NHS: variants seen among roughly 807,000 people sequenced by gnomAD.
NHS encodes NHS actin remodeling regulator.
NHS carries 5 observed loss-of-function variants against 72.5 expected under a neutral mutation model. The observed-to-expected ratio is 0.07, with a 90% CI of 0.04 to 0.14. The LOEUF is 0.14. Ranked by LOEUF, NHS falls within the 10% of genes least tolerant of loss-of-function variation. The pLI is 1.00. For synonymous variants in NHS, 464 were observed against 547.7 expected (o/e 0.85, Z 2.13); for missense variants, 1,072 against 1,355.7 (o/e 0.79, Z 3.29).
At chrX:17,570,269 C>T (rs1457705508) in intron 1 of NHS, among the ~76,000 whole-genome samples, 6 of 111,972 alleles carry the variant, frequency 5.4e-5, no homozygotes, top group Non-Finnish European at 1.1e-4. Flanking sequence ...GCAGTAAGGC[C>T]GTTTTCACAA....
chrX:17,693,778 G>A (rs1189465339), intron 3 of NHS, among the ~76,000 whole-genome samples: 1 of 112,969 alleles, frequency 8.9e-6, no homozygotes, highest in East Asian at 2.8e-4. Flanking sequence ...CCAAGGATAA[G>A]AAAAGGAGAC....
intron 1 of NHS, among the ~76,000 whole-genome samples, chrX:17,642,018 TC>T (rs1234586829): frequency 9.0e-6 from 1 of 111,596 alleles, no homozygotes; most frequent in Non-Finnish European, 1.9e-5. Context: ...CAATATCGGC[TC>T]ACTGCAACCT....
intron 1 of NHS, chrX:17,635,213 C>A: frequency 1.2e-6 from 1 of 821,533 alleles, no homozygotes; most frequent in African/African-American, 2.2e-5. Context: ...CCACTGCAAC[C>A]TAAACTGCTC....
intron 1 of NHS, among the ~76,000 whole-genome samples, chrX:17,660,146 A>AAT (rs2065976143): frequency 8.9e-6 from 1 of 112,353 alleles, no homozygotes; most frequent in Admixed American, 9.4e-5. Context: ...CTACTCAGCT[A>AAT]GTGAAGAAGC....
chrX:17,538,684 C>T (rs1054322526), intron 1 of NHS, among the ~76,000 whole-genome samples: 5 of 111,876 alleles, frequency 4.5e-5, no homozygotes, highest in Non-Finnish European at 9.4e-5. Flanking sequence ...GGGGCTTCAC[C>T]GGATAGATTT....
At chrX:17,585,976 C>T (rs1014101626) in intron 1 of NHS, 4 of 110,069 alleles carry the variant, frequency 3.6e-5, no homozygotes, top group African/African-American at 9.9e-5. Context: ...TGGCAAAAGG[C>T]GGGACCAGAC....
chrX:17,697,138 C>T (rs1245573350), intron 3 of NHS, among the ~76,000 whole-genome samples: 3 of 110,711 alleles, frequency 2.7e-5, no homozygotes, highest in South Asian at 3.9e-4. Flanking sequence ...CTGGGGGAGA[C>T]AAAAGACAAA....
chrX:17,721,716 A>G (rs1391605702), intron 5 of NHS, 83 bp downstream of exon 5: 2 of 874,536 alleles, frequency 2.3e-6, no homozygotes, highest in Non-Finnish European at 3.2e-6. Context: ...GCTGCTAAGA[A>G]TACCATTTTG....
At position 17,724,677 on chromosome X, in the gene NHS, T is replaced by G. The variant is rs187307123; in HGVS notation, c.1240+247T>G. The stretch of plus-strand genomic sequence containing the variant: ...GGCTGAAATGTAATACTTAGCTGAT[T>G]TTTGAAAGTTTTATTAAGGTAGAAA... On this transcript the variant is annotated intron_variant, in intron 6 of 8. Transcript: ENST00000676302. Among the ~76,000 whole-genome samples the G allele has an allele frequency of 1.3e-3, 143 of 112,237 alleles. 1 individual carries two copies. Among genetic ancestry groups the G allele is most frequent in the African/African-American group, 4.3e-3 (133 of 30,939 alleles).
At chrX:17,402,577 T>C (rs1457731266) in intron 1 of NHS, among the ~76,000 whole-genome samples, 1 of 112,239 alleles carries the variant, frequency 8.9e-6, no homozygotes, top group Admixed American at 9.4e-5. Context: ...ATCTTAATGA[T>C]ATGAAATATC....
chrX:17,656,170 G>A (rs1350457076), intron 1 of NHS, among the ~76,000 whole-genome samples: 1 of 113,191 alleles, frequency 8.8e-6, no homozygotes, highest in African/African-American at 3.2e-5. Flanking sequence ...CGCATTCCCG[G>A]GGAGCCGGCG....
intron 1 of NHS, among the ~76,000 whole-genome samples, chrX:17,380,561 C>G (rs202153775): frequency 1.8e-5 from 2 of 110,538 alleles, no homozygotes; most frequent in East Asian, 5.7e-4. Flanking sequence ...CCATGTTACC[C>G]GGGGTGGTCT....
intron 1 of NHS, among the ~76,000 whole-genome samples, chrX:17,456,687 C>T (rs948469342): frequency 3.6e-5 from 4 of 112,071 alleles, no homozygotes; most frequent in African/African-American, 1.3e-4. Context: ...CCAGCTGCTA[C>T]CTTGCAGGAG....
chrX:17,551,175 T>G (rs777915621), intron 1 of NHS, among the ~76,000 whole-genome samples: 14 of 111,651 alleles, frequency 1.3e-4, no homozygotes, highest in Non-Finnish European at 2.4e-4. Context: ...TGTGTATGAG[T>G]TTTGTTTAGT....
rs185899524 is a variant in NHS at position 17,578,417 on chromosome X, C to T, written c.566-109325C>T. Among the ~76,000 whole-genome samples the T allele has an allele frequency of 4.3e-3, 480 of 111,963 alleles. 2 individuals carry two copies. Among genetic ancestry groups the T allele is most frequent in the African/African-American group, 0.015 (459 of 30,854 alleles). On this transcript the variant is annotated intron_variant, in intron 1 of 8. Transcript: ENST00000676302. ...GGTTAGTTAGCTAAGAAAGTAGGCT[C>T]GAGGCCCAACTGCCGGGGTTCCAAT...
intron 1 of NHS, among the ~76,000 whole-genome samples, chrX:17,389,849 G>T (rs1476436360): frequency 1.8e-5 from 2 of 110,101 alleles, no homozygotes; most frequent in African/African-American, 6.6e-5. Context: ...TGATCTGCCC[G>T]CCTCGGCCTC....
chrX:17,572,052 C>G (rs1352521183), intron 1 of NHS, among the ~76,000 whole-genome samples: 2 of 111,932 alleles, frequency 1.8e-5, no homozygotes, highest in Non-Finnish European at 3.8e-5. Context: ...GATTTCTGTT[C>G]TTTTACATTT....
At chrX:17,651,243 TAGA>T (rs202015553) in intron 1 of NHS, among the ~76,000 whole-genome samples, 6,210 of 111,570 alleles carry the variant, frequency 0.056, 413 homozygotes, top group African/African-American at 0.19. Flanking sequence ...GGAAAGGAGC[TAGA>T]AGAAGGTTGA....
rs979086455 is a variant in NHS, at chrX:17,660,361, T to C, written c.566-27381T>C. Among the ~76,000 whole-genome samples the C allele has an allele frequency of 8.9e-5, 10 of 112,789 alleles. No individual in the cohort carries two copies. In the Admixed American group the frequency reaches 9.4e-4, roughly 11 times the overall value. ...TTGGTAGGGGCAGGCAAGGCCATCA[T>C]AGTCACTTAACTCTGGAAGAAATTG... On this transcript the variant is annotated intron_variant, in intron 1 of 8. Transcript: ENST00000676302.
Sources: gnomAD v4.1 joint callset for allele counts (sites outside exome capture counted in the v4.1 genomes callset) on GRCh38, gnomAD v4.1.1 for gene constraint, MANE v1.5 for transcripts, NCBI Gene and HGNC (gene_info 2026-07-23, HGNC 2026-07-21) for gene names.